Variants in MDC1 observed in about 807,000 individuals in gnomAD.
MDC1 encodes the protein mediator of DNA damage checkpoint protein 1.
Under a neutral mutation model 142.5 loss-of-function variants are expected in MDC1, and 81 were observed. The observed-to-expected ratio is 0.57, with a 90% CI of 0.47 to 0.68. The LOEUF is 0.68. Ranked by LOEUF, MDC1 falls within the 30% of genes least tolerant of loss-of-function variation. The pLI, the probability that MDC1 is intolerant of heterozygous loss-of-function variation, is 0.00. For synonymous variants in MDC1, 797 were observed against 968.4 expected (o/e 0.82, Z 3.29); for missense variants, 2,119 against 2,547.9 (o/e 0.83, Z 3.62).
chr6:30,708,354 G>T lies in MDC1; in HGVS notation c.2225C>A (p.Thr742Asn). 6.2e-7 allele frequency: 1 copy of T among 1,607,532 alleles called. No individual in the cohort carries two copies. The highest frequency in any genetic ancestry group is 8.5e-7 in the Non-Finnish European group (1 of 1,178,300). ...PSHCSFQTTG[T>N]LDEPWEVLAT... ...CAGGACCTCCCATGGTTCATCTAGG[G>T]TACCTGGAAGGGGAGGAAGGAAGAG... Residue 742 changes from threonine to asparagine, a missense_variant, in exon 8 of 15, where the codon ACC becomes AAC. By Grantham distance (65) the Thr-to-Asn change is moderately conservative (BLOSUM62 0). Coordinates refer to ENST00000376406, the MANE Select transcript of MDC1 (RefSeq NM_014641.3).
rs899575696 is a variant in MDC1 at position 30,700,561 on chromosome 6, G to A, written c.6174C>T (p.Pro2058=). 1.2e-6 allele frequency: 2 copies of A among 1,612,830 alleles called. No individual in the cohort carries two copies. Among genetic ancestry groups the A allele is most frequent in the Non-Finnish European group, 1.7e-6 (2 of 1,180,004 alleles). ...TCAGCAGGAACTCAGGCGAGAGGAGGGGCAGCCCAACCCGTAGTGGAATGG... is the reference window on the plus strand; with the variant it reads ...TCAGCAGGAACTCAGGCGAGAGGAGAGGCAGCCCAACCCGTAGTGGAATGG... ...HCSIPLRVGL[P]LLSPEFLLTG... The change falls in exon 15 of 15, where the codon CCC becomes CCT. Residue 2058 remains proline (P), a synonymous_variant. Coordinates refer to ENST00000376406, the MANE Select transcript of MDC1 (RefSeq NM_014641.3).
intron 7 of MDC1, 118 bp from the exon 8 acceptor site, chr6:30,708,475 T>G: frequency 1.3e-6 from 1 of 749,184 alleles, no homozygotes; most frequent in Non-Finnish European, 2.1e-6. Flanking sequence ...TTAGATAAAC[T>G]CATGAATAAT....
chr6:30,708,180 A>ATT lies in MDC1; in HGVS notation c.2397_2398dup (p.Met800LysfsTer48), dbSNP rs1218903183. 6.2e-7 allele frequency: 1 copy of ATT among 1,612,870 alleles called. No homozygotes were observed. Among genetic ancestry groups the ATT allele is most frequent in the Non-Finnish European group, 8.5e-7 (1 of 1,179,978 alleles). Reference sequence around the variant, plus strand: ...CTGCCTCCCTCTGCCTTGAATCCCCATTGGCTCTGTGTGAACTGGGCTCTC... The same window carrying ATT: ...CTGCCTCCCTCTGCCTTGAATCCCCATTTTGGCTCTGTGTGAACTGGGCTCTC... On this transcript the variant is annotated frameshift_variant, in exon 8 of 15. Transcript: ENST00000376406. LOFTEE classifies it high-confidence loss of function.
Position 30,707,636 on chromosome 6 carries a change from T to C in MDC1, c.2943A>G (p.Ser981=). The C allele has an allele frequency of 6.2e-7, 1 of 1,613,092 alleles. No individual in the cohort carries two copies. Among genetic ancestry groups the C allele is most frequent in the South Asian group, 1.1e-5 (1 of 91,090 alleles). ...ACTGGCTCCCAGAAGGTACGGGGGC[T>C]GAGGTAGGTCCCGGAAGGTCCCCCG... ...VGAGDLPGPT[S]APVPSGSQSG... Residue 981 remains serine, a synonymous_variant, in exon 8 of 15, where the codon TCA becomes TCG. Transcript: ENST00000376406.
intron 9 of MDC1, among the ~76,000 whole-genome samples, chr6:30,706,627 A>C (rs1773894151): frequency 1.4e-5 from 2 of 142,388 alleles, no homozygotes; most frequent in African/African-American, 5.3e-5. Context: ...GTCTAAAAAA[A>C]AAAAAAAAAA....
chr6:30,714,155 CA>C lies in MDC1; in HGVS notation c.164del (p.Val55GlyfsTer2), dbSNP rs1562131312. On this transcript the variant is annotated frameshift_variant, in exon 3 of 15. Coordinates refer to ENST00000376406, the MANE Select transcript of MDC1 (RefSeq NM_014641.3). LOFTEE classifies it high-confidence loss of function. Reference sequence around the variant, plus strand: ...CAGAGCAGTCAGGCATTCGGCCTACCACATTCTTCCCGAGGTGTAGTGGGAA... The same window carrying C: ...CAGAGCAGTCAGGCATTCGGCCTACCCATTCTTCCCGAGGTGTAGTGGGAA... ...KDFPLHLGKN[V>X]VGRMPDCSVA... 6.2e-6 allele frequency: 10 copies of C among 1,610,508 alleles called. No homozygotes were observed. The highest frequency in any genetic ancestry group is 8.5e-6 in the Non-Finnish European group (10 of 1,179,870).
rs1463890645 is a variant in MDC1, at chr6:30,703,965, T to C, written c.5218A>G (p.Lys1740Glu). The C allele has an allele frequency of 1.2e-6, 2 of 1,614,102 alleles. No individual in the cohort carries two copies. The highest frequency in any genetic ancestry group is 2.7e-5 in the African/African-American group (2 of 74,996). The stretch of plus-strand genomic sequence containing the variant: ...GGTTCCAAGGGTGCAGAGCAAGGCT[T>C]ATGGTCAATGGGAGCTGCGAGGGAG... ...PGSLAAPIDHKPCSAPLEPKS... is the reference protein window; with the variant it reads ...PGSLAAPIDHEPCSAPLEPKS... The change falls in exon 10 of 15, where the codon AAG (lysine) becomes GAG (glutamate). Residue 1740 changes from lysine to glutamate, a missense_variant. Transcript: ENST00000376406. This position sits in a 1 kb window ranked among gnomAD's most constrained non-coding sequence, Gnocchi z 4.4.
Position 30,707,814 on chromosome 6 carries a change from G to T in MDC1, c.2765C>A (p.Pro922Gln), listed in dbSNP as rs770846685. 39 of 1,612,894 alleles carry T rather than the reference G, an allele frequency of 2.4e-5. No individual in the cohort carries two copies. Among genetic ancestry groups the T allele is most frequent in the Non-Finnish European group, 3.0e-5 (35 of 1,180,034 alleles). Residue 922 changes from proline to glutamine, a missense_variant, in exon 8 of 15, where the codon CCA becomes CAA. Coordinates refer to ENST00000376406, the MANE Select transcript of MDC1 (RefSeq NM_014641.3). Reference protein sequence around the residue: ...SKAFEREVERPVANRECDPAE... With the variant: ...SKAFEREVERQVANRECDPAE... ...TGGATCGCACTCTCTGTTTGCTACT[G>T]GTCTCTCTACTTCTCTCTCAAATGC...
intron 9 of MDC1, 59 bp from the exon 10 acceptor site, chr6:30,706,157 A>G: frequency 7.3e-7 from 1 of 1,375,990 alleles, no homozygotes; most frequent in Non-Finnish European, 9.8e-7. Context: ...TAGAACTTGG[A>G]TACTGTTCTT....
chr6:30,702,487 G>A, intron 14 of MDC1, 66 bp downstream of exon 14: 1 of 1,259,020 alleles, frequency 7.9e-7, no homozygotes, highest in Non-Finnish European at 1.1e-6. Flanking sequence ...TCCAATCTTT[G>A]CCATTCCAGC....
At position 30,708,002 on chromosome 6, in the gene MDC1, T is replaced by C; in HGVS notation, c.2577A>G (p.Arg859=). Reference sequence around the variant, plus strand: ...CTCTAGCTAACAACTGTTTTTGTTCTCTGTCCTGTTTCCCCTTGGTTAATT... The same window carrying C: ...CTCTAGCTAACAACTGTTTTTGTTCCCTGTCCTGTTTCCCCTTGGTTAATT... The part of the protein sequence containing the change: ...EEELTKGKQD[R]EQKQLLARDT... Residue 859 remains arginine, a synonymous_variant, in exon 8 of 15, where the codon AGA becomes AGG. Transcript: ENST00000376406. 6.2e-7 allele frequency: 1 copy of C among 1,613,116 alleles called. No individual in the cohort carries two copies. Among genetic ancestry groups the C allele is most frequent in the Non-Finnish European group, 8.5e-7 (1 of 1,180,040 alleles).
At chr6:30,700,722 ATAATACCTCC>A in intron 14 of MDC1, 90 bp from the exon 15 acceptor site, 1 of 1,320,252 alleles carries the variant, frequency 7.6e-7, no homozygotes. Flanking sequence ...CATCACTAAA[ATAATACCTCC>A]TAATATGAAG....
Position 30,713,384 on chromosome 6 carries a change from A to C in MDC1, c.588-30T>G. On this transcript the variant is annotated intron_variant, in intron 4 of 14. Transcript: ENST00000376406. The surrounding 1 kb of genome is among the most constrained non-coding windows in gnomAD (Gnocchi z 4.9). ...GAAGGGAAGAAAAGAGAGTCTATAG[A>C]ATTTATTTCCCTGGAAGGGATACCC... 1 of 1,524,606 alleles carries C rather than the reference A, an allele frequency of 6.6e-7. No individual in the cohort carries two copies. Among genetic ancestry groups the C allele is most frequent in the South Asian group, 1.3e-5 (1 of 77,736 alleles). The allele number at this position is 1,524,606 out of a possible 1,614,324, so 94.4% of individuals were successfully genotyped here.
At chr6:30,700,902 C>CAAAAAAAAA (rs9281018) in intron 14 of MDC1, among the ~76,000 whole-genome samples, 17 of 70,230 alleles carry the variant, frequency 2.4e-4, no homozygotes, top group East Asian at 1.5e-3. Context: ...ACTAAAAATA[C>CAAAAAAAAA]AAAAAAAAAA....
rs1318529301 is a variant in MDC1 at position 30,703,657 on chromosome 6, C to T, written c.5526G>A (p.Glu1842=). 1.3e-6 allele frequency: 2 copies of T among 1,562,640 alleles called. No homozygotes were observed. The highest frequency in any genetic ancestry group is 8.6e-7 in the Non-Finnish European group (1 of 1,158,350). The change falls in exon 10 of 15, where the codon GAG becomes GAA. Residue 1842 remains glutamate, a synonymous_variant. Transcript: ENST00000376406. This position sits in a 1 kb window ranked among gnomAD's most constrained non-coding sequence, Gnocchi z 4.4. The part of the protein sequence containing the change: ...VSQKTVIIKE[E]EEDTAEKPGK... ...CTGGCTTCTCTGCAGTATCTTCTTC[C>T]TCTTCCTTGATAATCACTGTCTTCT...
rs1483865347 is a variant in MDC1 at position 30,712,616 on chromosome 6, CAGA to C, written c.1323_1325del (p.Leu442del). 2.5e-6 allele frequency: 4 copies of C among 1,612,778 alleles called. No individual in the cohort carries two copies. Among genetic ancestry groups the C allele is most frequent in the Non-Finnish European group, 3.4e-6 (4 of 1,179,930 alleles). Reference sequence around the variant, plus strand: ...TCTCAGTGGTGGTTTGGCTTCGCTGCAGAAGGACCACACGTTGGGGCATGTCCT... The same window carrying C: ...TCTCAGTGGTGGTTTGGCTTCGCTGCAGGACCACACGTTGGGGCATGTCCT... On this transcript the variant is annotated inframe_deletion, in exon 5 of 15. Transcript: ENST00000376406. The surrounding 1 kb of genome is among the most constrained non-coding windows in gnomAD (Gnocchi z 4.7).
Position 30,704,748 on chromosome 6 carries a change from C to A in MDC1, c.4435G>T (p.Asp1479Tyr). The A allele has an allele frequency of 2.5e-6, 4 of 1,580,148 alleles. No individual in the cohort carries two copies. The highest frequency in any genetic ancestry group is 3.4e-6 in the Non-Finnish European group (4 of 1,166,618). Residue 1479 changes from aspartate (D) to tyrosine (Y), a missense_variant, in exon 10 of 15, where the codon GAT (aspartate) becomes TAT (tyrosine). By Grantham distance (160) the Asp-to-Tyr change is radical. Coordinates refer to ENST00000376406, the MANE Select transcript of MDC1 (RefSeq NM_014641.3). Reference protein sequence around the residue: ...PTSQATRGRTDRSSVKTPETV... With the variant: ...PTSQATRGRTYRSSVKTPETV... The stretch of plus-strand genomic sequence containing the variant: ...TCAGGAGTCTTGACAGAGGATCTAT[C>A]TGTTCTTCCCCTAGTAGCCTGAGAC...
At chr6:30,706,867 C>A (rs1206028915) in intron 9 of MDC1, among the ~76,000 whole-genome samples, 2 of 150,750 alleles carry the variant, frequency 1.3e-5, no homozygotes, top group Admixed American at 6.6e-5. Flanking sequence ...TGGGAGGCTG[C>A]GGCAGGAAAA....
Position 30,707,759 on chromosome 6 carries a change from C to A in MDC1, c.2820G>T (p.Val940=), listed in dbSNP as rs1444712239. The change falls in exon 8 of 15, where the codon GTG becomes GTT. Residue 940 remains valine (V), a synonymous_variant. Transcript: ENST00000376406. ...PAELEEKVPK[V]ILERDTQRGE... Reference sequence around the variant, plus strand: ...CTCTCTGTGTATCTCTCTCCAGGATCACTTTGGGCACCTTCTCTTCTAACT... The same window carrying A: ...CTCTCTGTGTATCTCTCTCCAGGATAACTTTGGGCACCTTCTCTTCTAACT... 1 of 1,613,130 alleles carries A rather than the reference C, an allele frequency of 6.2e-7. No homozygotes were observed. Among genetic ancestry groups the A allele is most frequent in the Non-Finnish European group, 8.5e-7 (1 of 1,180,036 alleles).
Sources: gnomAD v4.1 joint callset for allele counts (sites outside exome capture counted in the v4.1 genomes callset) on GRCh38, gnomAD v4.1.1 for gene constraint, Gnocchi (gnomAD v3.1) non-coding constraint, MANE v1.5 for transcripts, NCBI Gene and HGNC (gene_info 2026-07-23, HGNC 2026-07-21) for gene names.